FNBP1: variants seen among roughly 807,000 people sequenced by gnomAD.
FNBP1 encodes the protein formin-binding protein 1.
In FNBP1, 26 loss-of-function variants were observed where a neutral mutation model predicts 90.6. That is an observed-to-expected ratio of 0.29 (90% CI 0.21 to 0.40). The LOEUF is 0.40. FNBP1 is among the 10% of genes least tolerant of loss of function. FNBP1 has a pLI of 1.00. For synonymous variants in FNBP1, 260 were observed against 265.2 expected, an observed-to-expected ratio of 0.98 and a Z score of 0.19; for missense variants, 635 against 768.0, an observed-to-expected ratio of 0.83 and a Z score of 2.05.
At chr9:130,004,487 T>C (rs1257867638) in intron 1 of FNBP1, among the ~76,000 whole-genome samples, 1 of 152,200 alleles carries the variant, frequency 6.6e-6, no homozygotes, top group Non-Finnish European at 1.5e-5. Context: ...CTTTGGTCTG[T>C]GCTATCTAGA....
chr9:129,929,525 C>G (rs1313258864), intron 7 of FNBP1, 42 bp downstream of exon 7: 19 of 1,594,854 alleles, frequency 1.2e-5, no homozygotes, highest in Non-Finnish European at 1.5e-5. Flanking sequence ...CTAAGGAAAG[C>G]AAAGCATAAA....
chr9:129,923,895 C>T lies in FNBP1; in HGVS notation c.1119G>A (p.Glu373=). 15 of 1,601,708 alleles carry T rather than the reference C, an allele frequency of 9.4e-6. No homozygotes were observed. Among genetic ancestry groups the T allele is most frequent in the Non-Finnish European group, 1.3e-5 (15 of 1,175,510 alleles). The change falls in exon 10 of 17, where the codon GAG becomes GAA. Residue 373 remains glutamate, a synonymous_variant. Transcript: ENST00000446176. ...QKEPLSHRFN[E]FMTSKPKIHC... Reference sequence around the variant, plus strand: ...GGATTTTGGGTTTGGAGGTCATGAACTCGTTGAAGCGATGGGAGAGGGGTT... The same window carrying T: ...GGATTTTGGGTTTGGAGGTCATGAATTCGTTGAAGCGATGGGAGAGGGGTT...
intron 1 of FNBP1, among the ~76,000 whole-genome samples, chr9:130,007,486 A>C (rs2055929866): frequency 6.6e-6 from 1 of 152,098 alleles, no homozygotes; most frequent in Non-Finnish European, 1.5e-5. Flanking sequence ...ACCTGTAGAA[A>C]AAGTGCCAGA....
chr9:129,969,889 C>CTTTT (rs35399090), intron 4 of FNBP1, among the ~76,000 whole-genome samples: 1 of 132,540 alleles, frequency 7.5e-6, no homozygotes, highest in African/African-American at 2.8e-5. Context: ...ATATTCCTAA[C>CTTTT]TTTTTTTTTT....
At chr9:130,052,923 T>C in the FNBP1 span, among the ~76,000 whole-genome samples, 1 of 151,846 alleles carries the variant, frequency 6.6e-6, no homozygotes, top group East Asian at 2.0e-4. Context: ...GAGACCAGCC[T>C]GGCCAACATG....
chr9:129,923,888 T>A lies in FNBP1; in HGVS notation c.1126A>T (p.Thr376Ser). 2 of 1,601,678 alleles carry A rather than the reference T, an allele frequency of 1.2e-6. No individual in the cohort carries two copies. Among genetic ancestry groups the A allele is most frequent in the South Asian group, 2.3e-5 (2 of 88,724 alleles). The stretch of plus-strand genomic sequence containing the variant: ...AAGCAGTGGATTTTGGGTTTGGAGG[T>A]CATGAACTCGTTGAAGCGATGGGAG... ...PLSHRFNEFMTSKPKIHCFRS... is the reference protein window; with the variant it reads ...PLSHRFNEFMSSKPKIHCFRS... Residue 376 changes from threonine (T) to serine (S), a missense_variant, in exon 10 of 17, where the codon ACC becomes TCC. Physicochemically the swap from Thr to Ser is moderately conservative, Grantham distance 58. Transcript: ENST00000446176.
At chr9:129,955,465 G>A (rs2046785679) in intron 6 of FNBP1, among the ~76,000 whole-genome samples, 1 of 150,728 alleles carries the variant, frequency 6.6e-6, no homozygotes, top group Admixed American at 6.6e-5. Context: ...TGAACTCCTG[G>A]ACTCAAACAA....
At chr9:130,051,365 G>A in the FNBP1 span, among the ~76,000 whole-genome samples, 1 of 152,106 alleles carries the variant, frequency 6.6e-6, no homozygotes, top group Non-Finnish European at 1.5e-5. Context: ...AAAAACAAAT[G>A]GCAATTATAC....
chr9:129,957,297 C>T lies in FNBP1; in HGVS notation c.513+63G>A. The stretch of plus-strand genomic sequence containing the variant: ...AGGTGATCCGCTCACCTCAGCCTCC[C>T]AAAGTGCTGGGATTACAGGCGTGAG... On this transcript the variant is annotated intron_variant, in intron 6 of 16. Coordinates refer to ENST00000446176, the MANE Select transcript of FNBP1 (RefSeq NM_015033.3). The surrounding 1 kb of genome is among the most constrained non-coding windows in gnomAD (Gnocchi z 4.3). The T allele has an allele frequency of 8.2e-7, 1 of 1,219,624 alleles. No homozygotes were observed. Among genetic ancestry groups the T allele is most frequent in the South Asian group, 1.2e-5 (1 of 81,752 alleles). 75.6% of individuals were successfully genotyped at this position (1,219,624 alleles called of 1,614,324 possible). A position where few individuals can be genotyped will look rare whatever the true frequency, so the allele number is the denominator to read the frequency against.
intron 1 of FNBP1, among the ~76,000 whole-genome samples, chr9:130,039,972 A>G (rs2059677253): frequency 6.6e-6 from 1 of 152,170 alleles, no homozygotes; most frequent in Admixed American, 6.5e-5. Context: ...CTCCATCTAG[A>G]AGAATAATTC....
At chr9:129,994,413 G>A (rs746052208) in intron 2 of FNBP1, among the ~76,000 whole-genome samples, 10 of 151,846 alleles carry the variant, frequency 6.6e-5, no homozygotes, top group Non-Finnish European at 7.4e-5. Flanking sequence ...TGGGGGGAGA[G>A]TGGGGAGCTG....
chr9:129,957,321 A>C lies in FNBP1; in HGVS notation c.513+39T>G, dbSNP rs1226394857. The C allele has an allele frequency of 1.5e-5, 22 of 1,429,186 alleles. No homozygotes were observed. Among genetic ancestry groups the C allele is most frequent in the Middle Eastern group, 1.8e-4 (1 of 5,672 alleles). 88.5% of individuals were successfully genotyped at this position (1,429,186 alleles called of 1,614,324 possible). ...CCAAAGTGCTGGGATTACAGGCGTG[A>C]GCCACCGTGCCCGGCCCACACTTGA... is the stretch of plus-strand genomic sequence containing the variant. On this transcript the variant is annotated intron_variant, in intron 6 of 16. Coordinates refer to ENST00000446176, the MANE Select transcript of FNBP1 (RefSeq NM_015033.3). The surrounding 1 kb of genome is among the most constrained non-coding windows in gnomAD (Gnocchi z 4.3).
chr9:129,989,727 TTAA>T (rs769890808), intron 2 of FNBP1, among the ~76,000 whole-genome samples: 6 of 152,202 alleles, frequency 3.9e-5, no homozygotes, highest in Non-Finnish European at 7.3e-5. Context: ...GTGTCTCCAG[TTAA>T]TAACAATGTA....
At chr9:129,898,427 A>G (rs565042151) in intron 15 of FNBP1, among the ~76,000 whole-genome samples, 1 of 151,726 alleles carries the variant, frequency 6.6e-6, no homozygotes, top group Non-Finnish European at 1.5e-5. Flanking sequence ...TCCTTAAGGA[A>G]GCGACCTCAT....
At chr9:130,035,526 G>A (rs1221280902) in intron 1 of FNBP1, among the ~76,000 whole-genome samples, 1 of 152,208 alleles carries the variant, frequency 6.6e-6, no homozygotes, top group African/African-American at 2.4e-5. Flanking sequence ...TGGCACAAAT[G>A]GTAGTTACCT....
At position 129,979,314 on chromosome 9, in the gene FNBP1, A is replaced by G. The variant is rs765525585; in HGVS notation, c.197+4T>C. 3 of 1,579,236 alleles carry G rather than the reference A, an allele frequency of 1.9e-6. No individual in the cohort carries two copies. Among genetic ancestry groups the G allele is most frequent in the South Asian group, 1.1e-5 (1 of 89,930 alleles). On this transcript the variant is annotated splice_donor_region_variant and intron_variant, in intron 3 of 16. Transcript: ENST00000446176. ...TACAAGACAATTTTCAATGGTAAAC[A>G]TACTTGTATTCTTCTTCCTCCTTCG...
intron 6 of FNBP1, among the ~76,000 whole-genome samples, chr9:129,937,694 C>T (rs547445690): frequency 1.3e-5 from 2 of 151,880 alleles, no homozygotes; most frequent in South Asian, 4.1e-4. Flanking sequence ...TATCATGCCA[C>T]TGCACTTCAG....
chr9:130,025,136 C>T (rs112333066), intron 1 of FNBP1, among the ~76,000 whole-genome samples: 3,820 of 151,748 alleles, frequency 0.025, 153 homozygotes, highest in African/African-American at 0.082. Context: ...GTGGAGATCG[C>T]GCCACTGCAC....
chr9:129,905,750 A>G (rs1588428257), intron 12 of FNBP1, among the ~76,000 whole-genome samples: 2 of 152,296 alleles, frequency 1.3e-5, no homozygotes, highest in South Asian at 2.1e-4. Flanking sequence ...ATCTCTCTAT[A>G]TGCGTGGCTT....
Sources: gnomAD v4.1 joint callset for allele counts (sites outside exome capture counted in the v4.1 genomes callset) on GRCh38, gnomAD v4.1.1 for gene constraint, Gnocchi (gnomAD v3.1) non-coding constraint, MANE v1.5 for transcripts, NCBI Gene and HGNC (gene_info 2026-07-23, HGNC 2026-07-21) for gene names.